NUP54: variants seen among roughly 807,000 people sequenced by gnomAD.
The protein encoded by NUP54 is nucleoporin p54.
A neutral mutation model predicts 66.4 loss-of-function variants in NUP54; 27 were observed. The observed-to-expected ratio is 0.41, with a 90% CI of 0.30 to 0.56. NUP54 has a LOEUF of 0.56. Among genes scored for constraint, NUP54 ranks in the 20% least tolerant of loss-of-function variants. The pLI, the probability that NUP54 is intolerant of heterozygous loss-of-function variation, is 0.34. For synonymous variants in NUP54, 206 were observed against 210.7 expected (o/e 0.98, Z 0.19); for missense variants, 486 against 596.3 (o/e 0.82, Z 1.93).
intron 11 of NUP54, among the ~76,000 whole-genome samples, 163 bp downstream of exon 11, chr4:76,117,499 GTT>G (rs1730001404): frequency 6.6e-6 from 1 of 152,094 alleles, no homozygotes; most frequent in Non-Finnish European, 1.5e-5. Flanking sequence ...ACACTACACT[GTT>G]TTCCATAGAG....
chr4:76,148,307 CCCGCGGGGG>C lies in NUP54; in HGVS notation c.59_67del (p.Ala20_Ala22del), dbSNP rs761521904. ...GGTGAAGGTCTAGGGGGATCACTCA[CCCGCGGGGG>C]CCGCGGTGGCTGCAGCGGTACCGGA... is the stretch of plus-strand genomic sequence containing the variant. On this transcript the variant is annotated inframe_deletion and splice_region_variant, in exon 1 of 12. Coordinates refer to ENST00000264883, the MANE Select transcript of NUP54 (RefSeq NM_017426.4). 2 of 1,500,648 alleles carry C rather than the reference CCCGCGGGGG, an allele frequency of 1.3e-6. No individual in the cohort carries two copies. Among genetic ancestry groups the C allele is most frequent in the Admixed American group, 4.4e-5 (2 of 45,346 alleles). The allele number at this position is 1,500,648 out of a possible 1,614,324, so 93.0% of individuals were successfully genotyped here.
intron 8 of NUP54, among the ~76,000 whole-genome samples, chr4:76,125,770 AG>A (rs1730493942): frequency 3.8e-5 from 1 of 26,556 alleles, no homozygotes; most frequent in Non-Finnish European, 6.6e-5. Context: ...GGAGAGGGGG[AG>A]AGAGGGAGAG....
At chr4:76,134,126 G>C in intron 5 of NUP54, 49 bp downstream of exon 5, 3 of 1,364,800 alleles carry the variant, frequency 2.2e-6, no homozygotes, top group Non-Finnish European at 3.1e-6. Context: ...ACTCCCTTAG[G>C]ACCAGAAATA....
chr4:76,132,419 C>T (rs545296098), intron 6 of NUP54, 104 bp downstream of exon 6: 63 of 756,542 alleles, frequency 8.3e-5, no homozygotes, highest in Non-Finnish European at 1.3e-4. Context: ...CAAGATGATA[C>T]TAATTTTATT....
chr4:76,117,875 T>G, intron 10 of NUP54, 101 bp from the exon 11 acceptor site: 1 of 1,090,090 alleles, frequency 9.2e-7, no homozygotes, highest in Non-Finnish European at 1.4e-6. Flanking sequence ...TATTAAAAAT[T>G]TCTATTTCTC....
chr4:76,132,354 AAAACT>A, intron 6 of NUP54, 164 bp downstream of exon 6: 1 of 448,090 alleles, frequency 2.2e-6, no homozygotes, highest in Non-Finnish European at 3.8e-6. Context: ...TATATAATAA[AAAACT>A]AAATGAATAC....
In NUP54 at chr4:76,115,430, T is replaced by A; in HGVS notation, c.1460A>T (p.Asp487Val). ...CAATCCATGTTCGACCAGCTTTATA[T>A]CTTCTAGATCGTCTTTAATGATGCT... is the stretch of plus-strand genomic sequence containing the variant. ...LISIIKDDLEDIKLVEHGLNE... is the reference protein window; with the variant it reads ...LISIIKDDLEVIKLVEHGLNE... Residue 487 changes from aspartate to valine, a missense_variant, in exon 12 of 12, where the codon GAT becomes GTT. Asp to Val is a radical substitution (Grantham distance 152). This residue lies in a region of NUP54 where 83 missense variants were observed against 128.6 expected (regional missense o/e 0.65). Coordinates refer to ENST00000264883, the MANE Select transcript of NUP54 (RefSeq NM_017426.4). The A allele has an allele frequency of 6.2e-7, 1 of 1,611,606 alleles. No homozygotes were observed. Among genetic ancestry groups the A allele is most frequent in the South Asian group, 1.1e-5 (1 of 90,478 alleles).
chr4:76,132,918 T>A (rs1457623768), intron 5 of NUP54, among the ~76,000 whole-genome samples, 199 bp from the exon 6 acceptor site: 1 of 150,946 alleles, frequency 6.6e-6, no homozygotes, highest in African/African-American at 2.4e-5. Flanking sequence ...TGCAGTGGTA[T>A]CATCACTGCA....
intron 3 of NUP54, among the ~76,000 whole-genome samples, chr4:76,136,994 A>T (rs1264292635): frequency 6.6e-6 from 1 of 152,124 alleles, no homozygotes; most frequent in African/African-American, 2.4e-5. Context: ...TTGTTTTTCT[A>T]ATAATATTTT....
intron 1 of NUP54, chr4:76,145,601 T>C (rs1307792607): frequency 7.9e-7 from 1 of 1,265,520 alleles, no homozygotes; most frequent in Non-Finnish European, 1.0e-6. Flanking sequence ...ATTTGACAGA[T>C]AAATGGAATG....
intron 9 of NUP54, among the ~76,000 whole-genome samples, chr4:76,123,767 G>A (rs1476230291): frequency 1.3e-5 from 2 of 152,046 alleles, no homozygotes; most frequent in Non-Finnish European, 2.9e-5. Context: ...ACTCACCTCG[G>A]CCTCCCAAAG....
At chr4:76,117,867 T>G in intron 10 of NUP54, 93 bp from the exon 11 acceptor site, 1 of 1,149,328 alleles carries the variant, frequency 8.7e-7, no homozygotes, top group Non-Finnish European at 1.3e-6. Flanking sequence ...AAACCATCTA[T>G]TAAAAATTTC....
At chr4:76,124,407 C>A (rs1464481240) in intron 9 of NUP54, among the ~76,000 whole-genome samples, 1 of 152,162 alleles carries the variant, frequency 6.6e-6, no homozygotes, top group Non-Finnish European at 1.5e-5. Flanking sequence ...TGCTTTATTT[C>A]TTCACTGCTT....
intron 3 of NUP54, among the ~76,000 whole-genome samples, chr4:76,141,690 A>G (rs1328919109): frequency 6.6e-6 from 1 of 152,160 alleles, no homozygotes; most frequent in African/African-American, 2.4e-5. Context: ...CTCCATTCCA[A>G]CCCACCTATA....
intron 1 of NUP54, chr4:76,147,993 G>A (rs1463143726): frequency 1.1e-5 from 4 of 354,128 alleles, no homozygotes; most frequent in Admixed American, 4.4e-5. Flanking sequence ...GGAGGTTCTC[G>A]GGCAAGGGGA....
chr4:76,117,548 A>C lies in NUP54; in HGVS notation c.1395+116T>G, dbSNP rs935300382. 3 of 661,322 alleles carry C rather than the reference A, an allele frequency of 4.5e-6. No individual in the cohort carries two copies. In the African/African-American group the frequency reaches 5.5e-5, roughly 12 times the overall value. 41.0% of individuals were successfully genotyped at this position (661,322 alleles called of 1,614,324 possible). A position where few individuals can be genotyped will look rare whatever the true frequency, so the allele number is the denominator to read the frequency against. ...TTACATTCCCCCAACAGTGCAAGAA[A>C]GTTCCAATTTCTCCACATTCTCACT... is the stretch of plus-strand genomic sequence containing the variant. On this transcript the variant is annotated intron_variant, in intron 11 of 11. Transcript: ENST00000264883.
intron 3 of NUP54, 39 bp downstream of exon 3, chr4:76,144,110 T>A: frequency 1.2e-5 from 20 of 1,607,484 alleles, no homozygotes; most frequent in Non-Finnish European, 1.6e-5. Context: ...GCTAGTATCA[T>A]CACGGTTTTG....
intron 6 of NUP54, among the ~76,000 whole-genome samples, chr4:76,131,966 A>G (rs1174178371): frequency 6.6e-6 from 1 of 152,160 alleles, no homozygotes; most frequent in Non-Finnish European, 1.5e-5. Flanking sequence ...TGACATGAAA[A>G]GTGCTAAGGA....
chr4:76,137,538 T>C (rs1731090331), intron 3 of NUP54, among the ~76,000 whole-genome samples: 2 of 152,174 alleles, frequency 1.3e-5, no homozygotes, highest in South Asian at 2.1e-4. Context: ...TACTAAACAT[T>C]TTCCTTTCTC....
Sources: gnomAD v4.1 joint callset for allele counts (sites outside exome capture counted in the v4.1 genomes callset) on GRCh38, gnomAD v4.1.1 for gene constraint, gnomAD v4.1.1 regional missense constraint, MANE v1.5 for transcripts, NCBI Gene and HGNC (gene_info 2026-07-23, HGNC 2026-07-21) for gene names.